Variants in SPOCK1 observed in about 807,000 individuals in gnomAD.
The protein encoded by SPOCK1 is testican-1.
Under a neutral mutation model 55.3 loss-of-function variants are expected in SPOCK1, and 23 were observed. The ratio of observed to expected loss-of-function variants is 0.42; its 90% CI spans 0.30 to 0.59. The LOEUF (loss-of-function observed/expected upper bound fraction) is 0.59. Ranked by LOEUF, SPOCK1 falls within the 20% of genes least tolerant of loss-of-function variation. SPOCK1 has a pLI of 0.22. For missense variants in SPOCK1, 499 were observed against 552.5 expected, an observed-to-expected ratio of 0.90 and a Z score of 0.97; for synonymous variants, 226 against 221.0, an observed-to-expected ratio of 1.02 and a Z score of -0.20.
rs774906286 is a variant in SPOCK1, at chr5:136,975,547, T to A, written c.*3107A>T. The A allele has an allele frequency of 2.6e-5, 4 of 152,340 alleles. No homozygotes were observed. Among genetic ancestry groups the A allele is most frequent in the Non-Finnish European group, 5.9e-5 (4 of 68,024 alleles). The allele number at this position is 152,340 out of a possible 1,614,324, so 9.4% of individuals were successfully genotyped here. The stretch of plus-strand genomic sequence containing the variant: ...TTAACAGGAACAAACATCAGTGACT[T>A]TGAGAAAAAGTTATAAAAAGACCAA... On this transcript the variant is annotated 3_prime_UTR_variant, in exon 11 of 11. Transcript: ENST00000394945.
intron 3 of SPOCK1, among the ~76,000 whole-genome samples, chr5:137,212,233 G>A (rs1449887797): frequency 6.6e-6 from 1 of 152,164 alleles, no homozygotes; most frequent in African/African-American, 2.4e-5. Context: ...TGTTGGTGGG[G>A]AGAAATCCTC....
At chr5:137,348,190 A>G (rs1270930481) in intron 2 of SPOCK1, among the ~76,000 whole-genome samples, 2 of 152,240 alleles carry the variant, frequency 1.3e-5, no homozygotes, top group African/African-American at 4.8e-5. Context: ...GAACAAATGA[A>G]GAAGGTAAAC....
At chr5:137,339,037 T>C (rs540465872) in intron 2 of SPOCK1, among the ~76,000 whole-genome samples, 1 of 152,180 alleles carries the variant, frequency 6.6e-6, no homozygotes, top group Non-Finnish European at 1.5e-5. Context: ...AGGGCACACA[T>C]ACCTGTCTGC....
At chr5:137,240,747 T>TA (rs924446592) in intron 3 of SPOCK1, among the ~76,000 whole-genome samples, 22 of 149,912 alleles carry the variant, frequency 1.5e-4, no homozygotes, top group Admixed American at 4.0e-4. Flanking sequence ...TATAGGACTA[T>TA]AAAAAAAAAG....
intron 2 of SPOCK1, among the ~76,000 whole-genome samples, chr5:137,388,771 C>T (rs779807460): frequency 2.6e-5 from 4 of 152,136 alleles, no homozygotes; most frequent in African/African-American, 4.8e-5. Flanking sequence ...TGCAAAACAC[C>T]GCAACTGCTC....
intron 2 of SPOCK1, among the ~76,000 whole-genome samples, chr5:137,451,149 G>A (rs1753247532): frequency 6.6e-6 from 1 of 152,114 alleles, no homozygotes; most frequent in Non-Finnish European, 1.5e-5. Flanking sequence ...CCACAGGGTA[G>A]ATCACCTCTC....
chr5:137,284,155 C>T (rs1561493035), intron 2 of SPOCK1, among the ~76,000 whole-genome samples: 1 of 152,248 alleles, frequency 6.6e-6, no homozygotes, highest in East Asian at 1.9e-4. Context: ...CAGGTGACAC[C>T]AGGCAGGAAA....
chr5:137,077,249 C>A (rs1386895149), intron 5 of SPOCK1, among the ~76,000 whole-genome samples: 1 of 152,172 alleles, frequency 6.6e-6, no homozygotes, highest in African/African-American at 2.4e-5. Context: ...TTTAATTCAA[C>A]CCCTTCACTT....
At chr5:137,360,054 G>A (rs1750908674) in intron 2 of SPOCK1, among the ~76,000 whole-genome samples, 1 of 152,178 alleles carries the variant, frequency 6.6e-6, no homozygotes, top group African/African-American at 2.4e-5. Context: ...TTAAGACCAA[G>A]AGCAATTGGT....
intron 3 of SPOCK1, among the ~76,000 whole-genome samples, chr5:137,225,403 C>T (rs1755927087): frequency 6.6e-6 from 1 of 152,134 alleles, no homozygotes; most frequent in Admixed American, 6.5e-5. Context: ...AGTACCCACA[C>T]AAAATTGTTA....
chr5:137,414,607 C>T (rs918700301), intron 2 of SPOCK1, among the ~76,000 whole-genome samples: 1 of 152,064 alleles, frequency 6.6e-6, no homozygotes, highest in Non-Finnish European at 1.5e-5. Context: ...TTGAAAATAC[C>T]CTTCTGGTCA....
At chr5:136,988,694 C>T (rs930504399) in intron 7 of SPOCK1, 51 bp from the exon 8 acceptor site, 3 of 1,534,458 alleles carry the variant, frequency 2.0e-6, no homozygotes, top group Admixed American at 3.6e-5. Context: ...ATGCTTTCCT[C>T]CCTGCTCACT....
intron 3 of SPOCK1, among the ~76,000 whole-genome samples, chr5:137,229,313 T>C (rs1191716431): frequency 1.3e-5 from 2 of 152,142 alleles, no homozygotes; most frequent in African/African-American, 4.8e-5. Flanking sequence ...CAATGTGAAC[T>C]AGCTCAGCCA....
intron 5 of SPOCK1, among the ~76,000 whole-genome samples, chr5:137,078,769 AC>A (rs1752822309): frequency 6.6e-6 from 1 of 151,916 alleles, no homozygotes; most frequent in Admixed American, 6.6e-5. Context: ...CTTCCTCCAT[AC>A]CCCAAAGCCC....
intron 6 of SPOCK1, 126 bp from the exon 7 acceptor site, chr5:136,992,726 C>T (rs981528110): frequency 1.3e-4 from 79 of 622,788 alleles, no homozygotes; most frequent in African/African-American, 5.4e-4. Flanking sequence ...TGTTACCTCA[C>T]GTGGAAAACA....
At chr5:137,231,958 T>C (rs762077825) in intron 3 of SPOCK1, among the ~76,000 whole-genome samples, 1 of 152,262 alleles carries the variant, frequency 6.6e-6, no homozygotes, top group African/African-American at 2.4e-5. Flanking sequence ...TCCCTGATGA[T>C]GGTGAACATC....
At chr5:137,321,718 A>G (rs1757985769) in intron 2 of SPOCK1, among the ~76,000 whole-genome samples, 2 of 152,280 alleles carry the variant, frequency 1.3e-5, no homozygotes, top group South Asian at 2.1e-4. Flanking sequence ...TACTAAAAAA[A>G]TACAACAAAA....
chr5:137,260,071 G>C (rs1756717860), intron 3 of SPOCK1, among the ~76,000 whole-genome samples: 1 of 152,148 alleles, frequency 6.6e-6, no homozygotes, highest in African/African-American at 2.4e-5. Context: ...CAGCTCCCAA[G>C]GACTTCAGCA....
At chr5:137,146,504 A>C (rs1305798544) in intron 3 of SPOCK1, among the ~76,000 whole-genome samples, 1 of 152,212 alleles carries the variant, frequency 6.6e-6, no homozygotes, top group Non-Finnish European at 1.5e-5. Flanking sequence ...CGTGAAGAGC[A>C]GACACTCCCA....
Sources: allele counts gnomAD v4.1 joint callset (sites outside exome capture counted in the v4.1 genomes callset), GRCh38; gene constraint gnomAD v4.1.1; transcripts MANE v1.5; gene names NCBI Gene and HGNC (gene_info 2026-07-23, HGNC 2026-07-21).